Variants in UBR1 observed in about 807,000 individuals in gnomAD.
UBR1 encodes ubiquitin protein ligase E3 component n-recognin 1.
A neutral mutation model predicts 242.1 loss-of-function variants in UBR1; 102 were observed. The ratio of observed to expected loss-of-function variants is 0.42; its 90% CI spans 0.36 to 0.50. The LOEUF (loss-of-function observed/expected upper bound fraction) is 0.50, where lower values mean the gene tolerates loss of function less well. UBR1 is among the 20% of genes least tolerant of loss of function. The pLI is 0.01. For synonymous variants in UBR1, 675 were observed against 684.8 expected, an observed-to-expected ratio of 0.99 and a Z score of 0.22; for missense variants, 1,772 against 2,101.8, an observed-to-expected ratio of 0.84 and a Z score of 3.07.
chr15:43,026,579 G>C lies in UBR1; in HGVS notation c.2517C>G (p.Ser839=). ...TTTCTACCTTGCTATGCTGGGTTTT[G>C]GAGTAATGATAAAAGTACATATTGA... ...KDFNMYFYHY[S]KTQHSKAEHM... is the part of the protein sequence containing the mutation. The change falls in exon 23 of 47, where the codon TCC becomes TCG. Residue 839 remains serine, a synonymous_variant. Transcript: ENST00000290650. The C allele has an allele frequency of 1.2e-6, 2 of 1,613,090 alleles. No individual in the cohort carries two copies. Among genetic ancestry groups the C allele is most frequent in the Non-Finnish European group, 1.7e-6 (2 of 1,179,540 alleles).
intron 22 of UBR1, 86 bp downstream of exon 22, chr15:43,027,689 GA>G (rs1052533792): frequency 1.6e-6 from 2 of 1,273,658 alleles, no homozygotes; most frequent in African/African-American, 2.9e-5. Context: ...GTTCAGGCAA[GA>G]ACTTCAGAGC....
chr15:43,105,862 G>A lies in UBR1; in HGVS notation c.81+80C>T, dbSNP rs775129079. ...TCCCCCTCCCCAGAGCCGCCATAAG[G>A]GGTGAAGCCCCACATCCTCCTAAGC... On this transcript the variant is annotated intron_variant, in intron 1 of 46. Coordinates refer to ENST00000290650, the MANE Select transcript of UBR1 (RefSeq NM_174916.3). 8.7e-6 allele frequency: 12 copies of A among 1,373,030 alleles called. No individual in the cohort carries two copies. The Middle Eastern group carries it at 5.3e-4, about 61-fold the overall frequency. The allele number at this position is 1,373,030 out of a possible 1,614,324, so 85.1% of individuals were successfully genotyped here. A position where few individuals can be genotyped will look rare whatever the true frequency, so the allele number is the denominator to read the frequency against.
chr15:43,071,032 A>G (rs2059038003), intron 4 of UBR1, 107 bp from the exon 5 acceptor site: 2 of 1,422,904 alleles, frequency 1.4e-6, no homozygotes, highest in South Asian at 1.2e-5. Flanking sequence ...TCATTACAAC[A>G]TCGTCCAGGA....
intron 1 of UBR1, among the ~76,000 whole-genome samples, chr15:43,100,840 A>G (rs550302630): frequency 6.6e-6 from 1 of 152,360 alleles, no homozygotes; most frequent in African/African-American, 2.4e-5. Context: ...CTCAAAAAAA[A>G]AGATGCATCA....
chr15:42,977,833 A>C, intron 38 of UBR1, 47 bp downstream of exon 38: 2 of 1,477,932 alleles, frequency 1.4e-6, no homozygotes, highest in African/African-American at 1.4e-5. Context: ...GGAAAATACA[A>C]GAAATTATCA....
rs995680412 is a variant in UBR1, at chr15:42,952,438, A to T, written c.4846T>A (p.Ser1616Thr). 2 of 1,614,116 alleles carry T rather than the reference A, an allele frequency of 1.2e-6. No individual in the cohort carries two copies. Among genetic ancestry groups the T allele is most frequent in the Non-Finnish European group, 1.7e-6 (2 of 1,180,054 alleles). The stretch of plus-strand genomic sequence containing the variant: ...GGATGCTTTCGCTCATCATCTGCAG[A>T]CCGTGGGCACCTCAAAAGAGAAGAA... Reference protein sequence around the residue: ...NQASHFRCPRSADDERKHPVL... With the variant: ...NQASHFRCPRTADDERKHPVL... The change falls in exon 45 of 47, where the codon TCT becomes ACT. Residue 1616 changes from serine (S) to threonine (T), a missense_variant. Ser to Thr is a moderately conservative substitution (Grantham distance 58, BLOSUM62 1). This residue lies in a region of UBR1 where 965 missense variants were observed against 1,079.7 expected (regional missense o/e 0.89). Coordinates refer to ENST00000290650, the MANE Select transcript of UBR1 (RefSeq NM_174916.3).
chr15:43,047,733 G>A (rs151249303), intron 13 of UBR1, among the ~76,000 whole-genome samples: 1 of 152,288 alleles, frequency 6.6e-6, no homozygotes, highest in East Asian at 1.9e-4. Flanking sequence ...CTTTCCATAA[G>A]GGTGAGGGAG....
intron 6 of UBR1, 31 bp from the exon 7 acceptor site, chr15:43,060,145 G>A: frequency 6.2e-7 from 1 of 1,601,838 alleles, no homozygotes; most frequent in Non-Finnish European, 8.6e-7. Flanking sequence ...GAATTAGGTA[G>A]TGAAATGATA....
At chr15:43,039,214 G>T (rs969621433) in intron 15 of UBR1, among the ~76,000 whole-genome samples, 1 of 151,968 alleles carries the variant, frequency 6.6e-6, no homozygotes, top group Non-Finnish European at 1.5e-5. Context: ...TTAAACACAG[G>T]TTTAAATATA....
At chr15:42,957,972 T>C (rs772955790) in intron 44 of UBR1, 41 bp downstream of exon 44, 1 of 1,531,662 alleles carries the variant, frequency 6.5e-7, no homozygotes, top group Non-Finnish European at 9.0e-7. Context: ...GTTCAGAAAA[T>C]GATTTAAAAT....
intron 42 of UBR1, 136 bp from the exon 43 acceptor site, chr15:42,960,837 T>A: frequency 1.2e-6 from 1 of 856,958 alleles, no homozygotes; most frequent in Non-Finnish European, 1.9e-6. Context: ...GGCAGCAATC[T>A]CGGCTCACTG....
At chr15:42,976,294 A>G (rs1387220872) in intron 39 of UBR1, among the ~76,000 whole-genome samples, 1 of 152,196 alleles carries the variant, frequency 6.6e-6, no homozygotes, top group East Asian at 1.9e-4. Flanking sequence ...GTAAGATATA[A>G]CCAGAAATAA....
intron 3 of UBR1, 151 bp from the exon 4 acceptor site, chr15:43,075,240 C>T: frequency 2.8e-6 from 2 of 723,782 alleles, no homozygotes; most frequent in East Asian, 2.6e-5. Context: ...AAACCATTTT[C>T]GATTAGTTAC....
At chr15:42,971,243 A>G (rs561473278) in intron 39 of UBR1, among the ~76,000 whole-genome samples, 2 of 152,290 alleles carry the variant, frequency 1.3e-5, no homozygotes, top group South Asian at 4.2e-4. Flanking sequence ...TAGAAATTCA[A>G]CCTCTAGAAA....
intron 25 of UBR1, 51 bp from the exon 26 acceptor site, chr15:43,022,852 A>G (rs1567128731): frequency 5.1e-6 from 6 of 1,174,616 alleles, no homozygotes; most frequent in Admixed American, 3.7e-5. Context: ...TCAGGTAAAT[A>G]TATTTTTAAT....
In UBR1 at chr15:43,086,076, A is replaced by T; in HGVS notation, c.246T>A (p.Asp82Glu). ...TPLEWYLFGE[D>E]PDICLEKLKH... ...TCAATTTCTCTAAGCAAATATCTGG[A>T]TCTTCTCCAAATAAGTACCATTCCA... Residue 82 changes from aspartate (D) to glutamate (E), a missense_variant, in exon 2 of 47, where the codon GAT becomes GAA. Physicochemically the swap from Asp to Glu is conservative, Grantham distance 45. This residue lies in a region of UBR1 where 734 missense variants were observed against 893.3 expected (regional missense o/e 0.82). Transcript: ENST00000290650. 3.1e-6 allele frequency: 5 copies of T among 1,614,104 alleles called. No individual in the cohort carries two copies. The highest frequency in any genetic ancestry group is 4.2e-6 in the Non-Finnish European group (5 of 1,180,018).
intron 12 of UBR1, among the ~76,000 whole-genome samples, chr15:43,049,905 A>C (rs544134242): frequency 1.1e-4 from 16 of 152,058 alleles, no homozygotes; most frequent in East Asian, 3.8e-4. Context: ...CTCTTTAAAG[A>C]GGCAACATGT....
chr15:43,030,597 CT>C (rs2033243309), intron 20 of UBR1, among the ~76,000 whole-genome samples: 2 of 152,150 alleles, frequency 1.3e-5, no homozygotes, highest in African/African-American at 4.8e-5. Flanking sequence ...TTAAAAATGA[CT>C]GGTGCTGTGA....
At chr15:43,006,417 C>T (rs1013174297) in intron 30 of UBR1, among the ~76,000 whole-genome samples, 16 of 152,318 alleles carry the variant, frequency 1.1e-4, no homozygotes, top group African/African-American at 3.6e-4. Flanking sequence ...TTGTGGACCA[C>T]AGGCTCATGC....
Sources: allele counts gnomAD v4.1 joint callset (sites outside exome capture counted in the v4.1 genomes callset), GRCh38; gene constraint gnomAD v4.1.1; regional missense constraint gnomAD v4.1.1; transcripts MANE v1.5; gene names NCBI Gene and HGNC (gene_info 2026-07-23, HGNC 2026-07-21).